The following SCMH1 variants were observed in gnomAD, a reference collection of about 807,000 sequenced individuals.
The protein encoded by SCMH1 is polycomb protein SCMH1.
A neutral mutation model predicts 70.8 loss-of-function variants in SCMH1; 37 were observed. The observed-to-expected ratio is 0.52, with a 90% CI of 0.40 to 0.69. The LOEUF is 0.69. Ranked by LOEUF, SCMH1 falls within the 30% of genes least tolerant of loss-of-function variation. SCMH1 has a pLI of 0.00. For synonymous variants in SCMH1, 292 were observed against 307.4 expected (o/e 0.95, Z 0.52); for missense variants, 607 against 827.3 (o/e 0.73, Z 3.27).
chr1:41,066,945 C>T (rs1416673844), intron 10 of SCMH1, among the ~76,000 whole-genome samples: 3 of 152,188 alleles, frequency 2.0e-5, no homozygotes, highest in Non-Finnish European at 4.4e-5. Flanking sequence ...CATACTCTTA[C>T]TATTTAATCT....
chr1:41,119,398 A>G (rs538395779), intron 6 of SCMH1, among the ~76,000 whole-genome samples: 28 of 150,804 alleles, frequency 1.9e-4, no homozygotes, highest in African/African-American at 6.3e-4. Context: ...AACTGCCATC[A>G]CTTCCTTTTT....
chr1:41,129,001 G>A (rs997193711), intron 6 of SCMH1, among the ~76,000 whole-genome samples: 1 of 151,896 alleles, frequency 6.6e-6, no homozygotes, highest in African/African-American at 2.4e-5. Context: ...GTTCAATTTG[G>A]TTCTTTTAAA....
Position 41,057,413 on chromosome 1 carries a change from C to CT in SCMH1, c.1106-8524dup, listed in dbSNP as rs1313055737. On this transcript the variant is annotated intron_variant, in intron 10 of 14. Coordinates refer to ENST00000337495, the Ensembl canonical transcript of SCMH1. The stretch of plus-strand genomic sequence containing the variant: ...CCACCACCATGCCTGGCTAATTTTT[C>CT]TTTTTTTTTGTATTTTTAGTAGAGA... 6.3e-3 allele frequency among the ~76,000 whole-genome samples: 959 copies of CT among 151,112 alleles called. 6 individuals are homozygous for CT. Among genetic ancestry groups the CT allele is most frequent in the African/African-American group, 0.021 (883 of 41,222 alleles).
At chr1:41,181,155 C>T (rs1191609302) in intron 2 of SCMH1, among the ~76,000 whole-genome samples, 3 of 152,122 alleles carry the variant, frequency 2.0e-5, no homozygotes, top group Non-Finnish European at 4.4e-5. Flanking sequence ...ATGTAGAAAG[C>T]TGAAACTGGA....
At chr1:41,065,777 C>T (rs965952252) in intron 10 of SCMH1, among the ~76,000 whole-genome samples, 1 of 151,936 alleles carries the variant, frequency 6.6e-6, no homozygotes, top group African/African-American at 2.4e-5. Context: ...AAAAGTGAAC[C>T]TAGACACAGA....
intron 11 of SCMH1, among the ~76,000 whole-genome samples, chr1:41,047,845 T>C (rs1647046615): frequency 1.3e-5 from 2 of 152,220 alleles, no homozygotes; most frequent in African/African-American, 4.8e-5. Flanking sequence ...ATATTCTTTC[T>C]TTTTCACTGG....
rs2173830 is a variant in SCMH1 at position 41,175,202 on chromosome 1, T to A, written c.13+10919A>T. Among the ~76,000 whole-genome samples the A allele has an allele frequency of 1.6e-3, 249 of 152,362 alleles. 4 individuals carry two copies. In the East Asian group the frequency reaches 0.044, roughly 27 times the overall value. ...CCCTCACCAATGTGTGTGGGCATTA[T>A]CCAATCCACTGAGGGTCCAAATAGC... On this transcript the variant is annotated intron_variant, in intron 2 of 14. Coordinates refer to ENST00000337495, the Ensembl canonical transcript of SCMH1.
chr1:41,033,892 G>A, intron 13 of SCMH1, 91 bp downstream of exon 14: 4 of 1,585,690 alleles, frequency 2.5e-6, no homozygotes, highest in South Asian at 1.2e-5. Context: ...TACCATCTGA[G>A]GCCAGTGCCA....
intron 2 of SCMH1, among the ~76,000 whole-genome samples, chr1:41,185,238 A>C (rs1649850113): frequency 6.6e-6 from 1 of 152,218 alleles, no homozygotes. Context: ...GGATTAAAAA[A>C]AACAACAAGG....
At chr1:41,098,352 C>T (rs34386859) in intron 8 of SCMH1, among the ~76,000 whole-genome samples, 16,597 of 152,134 alleles carry the variant, frequency 0.11, 1,281 homozygotes, top group East Asian at 0.28. Flanking sequence ...TTTCCTTATT[C>T]ACAAAATAAC....
chr1:41,220,435 A>C (rs1022048838), intron 1 of SCMH1, among the ~76,000 whole-genome samples: 1 of 152,260 alleles, frequency 6.6e-6, no homozygotes, highest in Non-Finnish European at 1.5e-5. Flanking sequence ...CAACATATTT[A>C]GTGCAAAACC....
At chr1:41,045,047 G>C (rs1646728521) in intron 12 of SCMH1, among the ~76,000 whole-genome samples, 1 of 152,148 alleles carries the variant, frequency 6.6e-6, no homozygotes, top group African/African-American at 2.4e-5. Context: ...AGAATCCCAG[G>C]TAGGCCTAAC....
intron 2 of SCMH1, among the ~76,000 whole-genome samples, chr1:41,162,259 G>A (rs1375765833): frequency 1.3e-5 from 2 of 152,152 alleles, no homozygotes; most frequent in Admixed American, 6.5e-5. Context: ...CCTGCTGTTG[G>A]CACCTGTTCT....
intron 12 of SCMH1, among the ~76,000 whole-genome samples, chr1:41,042,440 G>A (rs1646312155): frequency 6.6e-6 from 1 of 152,030 alleles, no homozygotes; most frequent in Admixed American, 6.6e-5. Flanking sequence ...GTAGAGACAG[G>A]GTTTCACCAT....
intron 1 of SCMH1, among the ~76,000 whole-genome samples, chr1:41,197,604 G>A (rs182844086): frequency 4.6e-5 from 7 of 152,196 alleles, no homozygotes; most frequent in African/African-American, 1.7e-4. Flanking sequence ...AAAAATTCTA[G>A]GGATGGATAA....
intron 10 of SCMH1, among the ~76,000 whole-genome samples, chr1:41,064,730 T>C (rs1460810183): frequency 6.6e-6 from 1 of 151,580 alleles, no homozygotes; most frequent in African/African-American, 2.4e-5. Flanking sequence ...CTGGGCAACA[T>C]GGCGAGAAAC....
chr1:41,075,570 C>T, intron 8 of SCMH1, 119 bp from the exon 9 acceptor site: 1 of 758,480 alleles, frequency 1.3e-6, no homozygotes, highest in Non-Finnish European at 2.1e-6. Flanking sequence ...AGCTGGTTTC[C>T]TGGCATTTGA....
chr1:41,037,487 T>C, exon 13 of SCMH1: 1 of 1,614,096 alleles, frequency 6.2e-7, no homozygotes, highest in East Asian at 2.2e-5. Flanking sequence ...GTCCATTGAG[T>C]CTGAGTGTGG....
At chr1:41,106,388 C>G (rs190779102) in intron 8 of SCMH1, among the ~76,000 whole-genome samples, 3 of 151,848 alleles carry the variant, frequency 2.0e-5, no homozygotes, top group Non-Finnish European at 4.4e-5. Context: ...CCTGCTCCAG[C>G]TTTGCCTTCT....
Sources: allele counts gnomAD v4.1 joint callset (sites outside exome capture counted in the v4.1 genomes callset), GRCh38; gene constraint gnomAD v4.1.1; transcripts MANE v1.5; gene names NCBI Gene and HGNC (gene_info 2026-07-23, HGNC 2026-07-21).